The following ADAMTSL1 variants were observed in gnomAD, a reference collection of about 807,000 sequenced individuals.
The protein encoded by ADAMTSL1 is ADAMTS-like protein 1.
ADAMTSL1 carries 126 observed loss-of-function variants against 201.8 expected under a neutral mutation model. The ratio of observed to expected loss-of-function variants is 0.62; its 90% CI spans 0.54 to 0.72. ADAMTSL1 has a LOEUF of 0.72. Ranked by LOEUF, ADAMTSL1 falls within the 30% of genes least tolerant of loss-of-function variation. The pLI is 0.00. For synonymous variants in ADAMTSL1, 1,121 were observed against 903.4 expected (o/e 1.24, Z -4.32); for missense variants, 2,679 against 2,277.8 (o/e 1.18, Z -3.59).
chr9:18,675,861 G>A lies in ADAMTSL1; in HGVS notation c.1090G>A (p.Gly364Arg), dbSNP rs749212552. 5 of 1,612,848 alleles carry A rather than the reference G, an allele frequency of 3.1e-6. No homozygotes were observed. Among genetic ancestry groups the A allele is most frequent in the East Asian group, 2.2e-5 (1 of 44,810 alleles). Residue 364 changes from glycine to arginine, a missense_variant, in exon 10 of 29, where the codon GGA becomes AGA. Physicochemically the swap from Gly to Arg is moderately radical, Grantham distance 125. Transcript: ENST00000380548. ...CNLDPCPASD[G>R]YKQIMPYDLY... ...TGGCATTATTGTTCCTAACAGTGAC[G>A]GATACAAGCAGATCATGCCTTATGA...
At chr9:18,540,468 G>A (rs1180026812) in intron 3 of ADAMTSL1, among the ~76,000 whole-genome samples, 1 of 152,178 alleles carries the variant, frequency 6.6e-6, no homozygotes, top group East Asian at 1.9e-4. Flanking sequence ...ACATTTAAAT[G>A]TCCTTAGTAT....
chr9:17,991,821 G>A (rs1397060112), intron 1 of ADAMTSL1, among the ~76,000 whole-genome samples: 1 of 152,106 alleles, frequency 6.6e-6, no homozygotes, highest in Non-Finnish European at 1.5e-5. Context: ...GTAGTCTAAG[G>A]AATGATTCAG....
Position 18,776,865 on chromosome 9 carries a change from T to C in ADAMTSL1, c.2636T>C (p.Leu879Pro). 6.2e-7 allele frequency: 1 copy of C among 1,610,252 alleles called. No homozygotes were observed. Among genetic ancestry groups the C allele is most frequent in the Non-Finnish European group, 8.5e-7 (1 of 1,178,766 alleles). The part of the protein sequence containing the change: ...VYIQTRRQRK[L>P]HFVVGGFAYL... ...ATACAGACTCGCAGGCAGAGGAAGC[T>C]GCACTTCGTGGTGGGGGGCTTCGCC... The change falls in exon 19 of 29, where the codon CTG becomes CCG. Residue 879 changes from leucine (L) to proline (P), a missense_variant. Transcript: ENST00000380548.
intron 2 of ADAMTSL1, among the ~76,000 whole-genome samples, chr9:18,180,936 C>A (rs199603104): frequency 1.2e-4 from 18 of 152,188 alleles, no homozygotes; most frequent in East Asian, 1.2e-3. Context: ...ACCAAAACAG[C>A]GATATTGATC....
chr9:18,296,100 C>T (rs1172783368), intron 2 of ADAMTSL1, among the ~76,000 whole-genome samples: 1 of 152,066 alleles, frequency 6.6e-6, no homozygotes, highest in Non-Finnish European at 1.5e-5. Flanking sequence ...ACAGAAAATT[C>T]AGGAAATAAA....
At chr9:18,163,739 A>G (rs1391012112) in intron 1 of ADAMTSL1, 2 of 151,742 alleles carry the variant, frequency 1.3e-5, no homozygotes, top group African/African-American at 4.8e-5. Context: ...ATTTGCGTGC[A>G]TTGTTTTTGA....
At chr9:18,663,170 T>G (rs556913148) in intron 9 of ADAMTSL1, among the ~76,000 whole-genome samples, 1 of 152,194 alleles carries the variant, frequency 6.6e-6, no homozygotes, top group African/African-American at 2.4e-5. Flanking sequence ...ATTCCTCTAC[T>G]CTTTTATCTT....
chr9:18,273,356 C>T (rs1832460423), intron 2 of ADAMTSL1, among the ~76,000 whole-genome samples: 1 of 123,148 alleles, frequency 8.1e-6, no homozygotes, highest in South Asian at 2.8e-4. Flanking sequence ...GCTGGGATTG[C>T]AAGAGTGAGT....
intron 1 of ADAMTSL1, among the ~76,000 whole-genome samples, chr9:18,045,778 C>T (rs539667115): frequency 6.7e-6 from 1 of 150,188 alleles, no homozygotes; most frequent in Non-Finnish European, 1.5e-5. Context: ...TGGCCTTTTT[C>T]TACTCTAAGT....
chr9:17,964,677 T>TAGAAGTAGA (rs1181316623), intron 1 of ADAMTSL1, among the ~76,000 whole-genome samples: 1 of 152,144 alleles, frequency 6.6e-6, no homozygotes, highest in East Asian at 1.9e-4. Flanking sequence ...TCTTGTACTG[T>TAGAAGTAGA]AGTGGTAGAA....
intron 4 of ADAMTSL1, among the ~76,000 whole-genome samples, chr9:18,582,968 G>A (rs1418582585): frequency 6.6e-6 from 1 of 152,160 alleles, no homozygotes; most frequent in Non-Finnish European, 1.5e-5. Context: ...GTGAGACATG[G>A]CTATCACCTT....
intron 2 of ADAMTSL1, among the ~76,000 whole-genome samples, chr9:18,444,647 T>A (rs1820120488): frequency 6.6e-6 from 1 of 152,140 alleles, no homozygotes; most frequent in Non-Finnish European, 1.5e-5. Flanking sequence ...GAGAACAGGT[T>A]TATGTCTTTT....
At chr9:18,089,610 A>G (rs1157585881) in intron 1 of ADAMTSL1, among the ~76,000 whole-genome samples, 2 of 152,176 alleles carry the variant, frequency 1.3e-5, no homozygotes, top group Non-Finnish European at 2.9e-5. Flanking sequence ...AACTTTAATA[A>G]AAAAGGAAAA....
rs781267799 is a variant in ADAMTSL1, at chr9:18,777,471, T to G, written c.3242T>G (p.Ile1081Ser). ...ACCGAGCAGCGGCGCCTGGACGACA[T>G]CCTGGGGAACCTCTCCCAGCAGCCC... ...MVTEQRRLDD[I>S]LGNLSQQPEE... Residue 1081 changes from isoleucine to serine, a missense_variant, in exon 19 of 29, where the codon ATC becomes AGC. Transcript: ENST00000380548. 6.3e-7 allele frequency: 1 copy of G among 1,594,404 alleles called. No homozygotes were observed. Among genetic ancestry groups the G allele is most frequent in the African/African-American group, 1.3e-5 (1 of 74,580 alleles).
At chr9:18,201,407 T>C (rs368147996) in intron 2 of ADAMTSL1, among the ~76,000 whole-genome samples, 1 of 152,160 alleles carries the variant, frequency 6.6e-6, no homozygotes, top group South Asian at 2.1e-4. Context: ...TATTCACTTA[T>C]TTAGTTACTT....
chr9:18,644,336 G>A (rs759614673), intron 7 of ADAMTSL1, among the ~76,000 whole-genome samples: 1 of 151,752 alleles, frequency 6.6e-6, no homozygotes, highest in Admixed American at 6.6e-5. Flanking sequence ...GCAGGAATCA[G>A]AATGGCCACT....
intron 1 of ADAMTSL1, among the ~76,000 whole-genome samples, chr9:18,076,184 T>C (rs961318972): frequency 1.3e-5 from 2 of 152,242 alleles, no homozygotes; most frequent in Non-Finnish European, 2.9e-5. Flanking sequence ...TTCTTTTCTT[T>C]GTATGGATAG....
At chr9:18,807,659 C>CAAAA (rs58783987) in intron 20 of ADAMTSL1, among the ~76,000 whole-genome samples, 3 of 86,588 alleles carry the variant, frequency 3.5e-5, no homozygotes, top group Admixed American at 2.2e-4. Flanking sequence ...AAAAAAAAAA[C>CAAAA]AAAAAAAAAA....
intron 1 of ADAMTSL1, among the ~76,000 whole-genome samples, chr9:17,957,816 C>T (rs1827988042): frequency 6.6e-6 from 1 of 152,092 alleles, no homozygotes. Flanking sequence ...GAGGTAGCTA[C>T]AAGCCAAGAG....
Sources: gnomAD v4.1 joint callset for allele counts (sites outside exome capture counted in the v4.1 genomes callset) on GRCh38, gnomAD v4.1.1 for gene constraint, MANE v1.5 for transcripts, NCBI Gene and HGNC (gene_info 2026-07-23, HGNC 2026-07-21) for gene names.